The following CHMP2B variants were observed in gnomAD, a reference collection of about 807,000 sequenced individuals.
CHMP2B encodes the protein VPS2 homolog B.
CHMP2B carries 22 observed loss-of-function variants against 29.8 expected under a neutral mutation model. The ratio of observed to expected loss-of-function variants is 0.74; its 90% CI spans 0.53 to 1.05. CHMP2B has a LOEUF of 1.05. CHMP2B is among the 50% of genes least tolerant of loss of function. The probability of loss-of-function intolerance (pLI) is 0.00; values close to 1 mark genes in which losing one functional copy is unlikely to be tolerated. For missense variants in CHMP2B, 261 were observed against 252.2 expected (o/e 1.03, Z -0.24); for synonymous variants, 78 against 75.8 (o/e 1.03, Z -0.15).
Position 87,253,798 on chromosome 3 carries a change from A to G in CHMP2B, c.618A>G (p.Gln206=). Residue 206 remains glutamine, a synonymous_variant, in exon 6 of 6, where the codon CAA becomes CAG. Coordinates refer to ENST00000263780, the MANE Select transcript of CHMP2B (RefSeq NM_014043.4). ...ATISDEEIER[Q]LKALGVD ...TCTCAGATGAAGAGATTGAACGGCA[A>G]CTCAAGGCTTTAGGAGTAGATTAGT... 1 of 1,612,158 alleles carries G rather than the reference A, an allele frequency of 6.2e-7. No individual in the cohort carries two copies. The highest frequency in any genetic ancestry group is 1.1e-5 in the South Asian group (1 of 91,058).
At position 87,254,713 on chromosome 3, in the gene CHMP2B, A is replaced by G. The variant is rs1706373660; in HGVS notation, c.*891A>G. ...ATAAATAACACTTTATAGTAAGAAAACAATATATTTTGGCCATCTAAAAAT... is the reference window on the plus strand; with the variant it reads ...ATAAATAACACTTTATAGTAAGAAAGCAATATATTTTGGCCATCTAAAAAT... On this transcript the variant is annotated 3_prime_UTR_variant, in exon 6 of 6. Transcript: ENST00000263780. 1.3e-5 allele frequency: 2 copies of G among 152,016 alleles called. No homozygotes were observed. Among genetic ancestry groups the G allele is most frequent in the African/African-American group, 4.8e-5 (2 of 41,542 alleles). 9.4% of individuals were successfully genotyped at this position (152,016 alleles called of 1,614,324 possible).
At chr3:87,235,581 T>A (rs1180224573) in intron 1 of CHMP2B, among the ~76,000 whole-genome samples, 1 of 152,226 alleles carries the variant, frequency 6.6e-6, no homozygotes, top group Non-Finnish European at 1.5e-5. Context: ...ACAGTGACTG[T>A]TATGATACAT....
intron 4 of CHMP2B, among the ~76,000 whole-genome samples, chr3:87,252,476 CTT>C (rs1376558217): frequency 6.6e-6 from 1 of 151,734 alleles, no homozygotes; most frequent in African/African-American, 2.4e-5. Flanking sequence ...CTCACAGTGA[CTT>C]TGCCCAGGCC....
intron 1 of CHMP2B, among the ~76,000 whole-genome samples, chr3:87,237,886 G>T (rs186567449): frequency 6.6e-6 from 1 of 152,032 alleles, no homozygotes; most frequent in African/African-American, 2.4e-5. Flanking sequence ...AGAAAGCCCC[G>T]TCCTTCTTTA....
intron 4 of CHMP2B, among the ~76,000 whole-genome samples, chr3:87,251,600 G>A (rs527575990): frequency 9.8e-4 from 149 of 151,768 alleles, no homozygotes; most frequent in African/African-American, 3.6e-3. Context: ...TTTTAATAAC[G>A]TAGTAAAATA....
Position 87,253,817 on chromosome 3 carries a change from G to T in CHMP2B, c.637G>T (p.Asp213Tyr), listed in dbSNP as rs1706356557. ...IERQLKALGV[D>Y] ...ACGGCAACTCAAGGCTTTAGGAGTA[G>T]ATTAGTCAAAAGAAGTCATACTATT... The change falls in exon 6 of 6, where the codon GAT becomes TAT. Residue 213 changes from aspartate to tyrosine, a missense_variant. Physicochemically the swap from Asp to Tyr is radical, Grantham distance 160. Coordinates refer to ENST00000263780, the MANE Select transcript of CHMP2B (RefSeq NM_014043.4). 2 of 1,607,350 alleles carry T rather than the reference G, an allele frequency of 1.2e-6. No homozygotes were observed. Among genetic ancestry groups the T allele is most frequent in the Non-Finnish European group, 8.5e-7 (1 of 1,174,946 alleles).
chr3:87,235,828 C>G (rs1705997279), intron 1 of CHMP2B, among the ~76,000 whole-genome samples: 1 of 152,178 alleles, frequency 6.6e-6, no homozygotes, highest in African/African-American at 2.4e-5. Context: ...ACTTCAGATG[C>G]CACTTGAAAG....
At position 87,254,060 on chromosome 3, in the gene CHMP2B, A is replaced by G; in HGVS notation, c.*238A>G. ...ACTGTTTAGGAGTGATGATGTGTAA[A>G]AAGTTGACTTCTCTTTTGCATGGCA... On this transcript the variant is annotated 3_prime_UTR_variant, in exon 6 of 6. Transcript: ENST00000263780. 1 of 406,842 alleles carries G rather than the reference A, an allele frequency of 2.5e-6. No individual in the cohort carries two copies. Among genetic ancestry groups the G allele is most frequent in the Non-Finnish European group, 4.5e-6 (1 of 219,834 alleles). The allele number at this position is 406,842 out of a possible 1,614,324, so 25.2% of individuals were successfully genotyped here.
chr3:87,250,597 A>G (rs1706297822), intron 4 of CHMP2B, among the ~76,000 whole-genome samples: 1 of 151,988 alleles, frequency 6.6e-6, no homozygotes, highest in South Asian at 2.1e-4. Context: ...TAATAGTATA[A>G]CATAAGCAGA....
In CHMP2B at chr3:87,233,979, C is replaced by G. The variant is rs894658240; in HGVS notation, c.34+6423C>G. 4.9e-4 allele frequency among the ~76,000 whole-genome samples: 75 copies of G among 152,066 alleles called. 2 individuals are homozygous for G. Among genetic ancestry groups the G allele is most frequent in the Non-Finnish European group, 5.9e-5 (4 of 68,012 alleles). On this transcript the variant is annotated intron_variant, in intron 1 of 5. Coordinates refer to ENST00000263780, the MANE Select transcript of CHMP2B (RefSeq NM_014043.4). ...GTAGATCAGCTTGAATCCTGCTGAC[C>G]GATGGTGATTTGCATACTGTCCCAG... is the stretch of plus-strand genomic sequence containing the variant.
chr3:87,227,392 C>T lies in CHMP2B; in HGVS notation c.-131C>T, dbSNP rs1002590853. ...CCTTCCGCGGGTCCTGCCTGGCGACCCCGACCTCCTCCTGCTGTCTCTCCG... is the reference window on the plus strand; with the variant it reads ...CCTTCCGCGGGTCCTGCCTGGCGACTCCGACCTCCTCCTGCTGTCTCTCCG... On this transcript the variant is annotated 5_prime_UTR_variant, in exon 1 of 6. Coordinates refer to ENST00000263780, the MANE Select transcript of CHMP2B (RefSeq NM_014043.4). 3.2e-5 allele frequency: 33 copies of T among 1,035,358 alleles called. No homozygotes were observed. The highest frequency in any genetic ancestry group is 4.9e-5 in the Non-Finnish European group (33 of 666,708). 64.1% of individuals were successfully genotyped at this position (1,035,358 alleles called of 1,614,324 possible). A position where few individuals can be genotyped will look rare whatever the true frequency, so the allele number is the denominator to read the frequency against.
intron 1 of CHMP2B, among the ~76,000 whole-genome samples, chr3:87,237,177 T>A (rs1706032050): frequency 6.6e-6 from 1 of 152,184 alleles, no homozygotes; most frequent in Non-Finnish European, 1.5e-5. Flanking sequence ...GGGGTCAGCC[T>A]ATAGATGTCT....
At chr3:87,239,966 T>TTTACTGCAG (rs1466234602) in intron 1 of CHMP2B, among the ~76,000 whole-genome samples, 1 of 152,128 alleles carries the variant, frequency 6.6e-6, no homozygotes, top group Non-Finnish European at 1.5e-5. Flanking sequence ...TCTGTTAATA[T>TTTACTGCAG]TTACTGCAGA....
At chr3:87,228,754 C>T (rs1705857331) in intron 1 of CHMP2B, among the ~76,000 whole-genome samples, 1 of 152,112 alleles carries the variant, frequency 6.6e-6, no homozygotes, top group Non-Finnish European at 1.5e-5. Context: ...TTATTAAGTA[C>T]CATTTGCAAT....
rs189003566 is a variant in CHMP2B at position 87,250,483 on chromosome 3, G to A, written c.424+506G>A. On this transcript the variant is annotated intron_variant, in intron 4 of 5. Coordinates refer to ENST00000263780, the MANE Select transcript of CHMP2B (RefSeq NM_014043.4). ...ACCACAGCACTCAGATGTAGTTACC[G>A]TTAATGTTGTATGTTTATTTTCTGT... 3.2e-3 allele frequency among the ~76,000 whole-genome samples: 493 copies of A among 151,944 alleles called. 12 individuals carry two copies. The highest frequency in any genetic ancestry group is 0.029 in the Admixed American group (439 of 15,232).
At chr3:87,251,770 AC>A (rs1706317204) in intron 4 of CHMP2B, among the ~76,000 whole-genome samples, 1 of 151,934 alleles carries the variant, frequency 6.6e-6, no homozygotes, top group African/African-American at 2.4e-5. Context: ...GAGCATTATT[AC>A]ACTTTTTCTG....
At chr3:87,246,329 G>A (rs1706213077) in intron 3 of CHMP2B, among the ~76,000 whole-genome samples, 1 of 151,880 alleles carries the variant, frequency 6.6e-6, no homozygotes, top group Non-Finnish European at 1.5e-5. Flanking sequence ...GTAGAGACGA[G>A]GTTTCACATG....
chr3:87,231,062 G>A (rs1228033384), intron 1 of CHMP2B, among the ~76,000 whole-genome samples: 1 of 150,680 alleles, frequency 6.6e-6, no homozygotes, highest in East Asian at 1.9e-4. Flanking sequence ...TCCTTCCTAC[G>A]CTACCACTGT....
intron 1 of CHMP2B, among the ~76,000 whole-genome samples, chr3:87,235,123 C>CAAAT (rs1366149060): frequency 2.6e-5 from 4 of 152,062 alleles, no homozygotes; most frequent in Non-Finnish European, 4.4e-5. Context: ...TACAAACAAG[C>CAAAT]AAATAAATAA....
Sources: gnomAD v4.1 joint callset for allele counts (sites outside exome capture counted in the v4.1 genomes callset) on GRCh38, gnomAD v4.1.1 for gene constraint, MANE v1.5 for transcripts, NCBI Gene and HGNC (gene_info 2026-07-23, HGNC 2026-07-21) for gene names.